Variants in ADAM22 observed in about 807,000 individuals in gnomAD.
ADAM22 encodes disintegrin and metalloproteinase domain-containing protein 22.
Under a neutral mutation model 144.6 loss-of-function variants are expected in ADAM22, and 65 were observed. The observed-to-expected ratio is 0.45, with a 90% CI of 0.37 to 0.55. ADAM22 has a LOEUF of 0.55. Ranked by LOEUF, ADAM22 falls within the 20% of genes least tolerant of loss-of-function variation. ADAM22 has a pLI of 0.00. For synonymous variants in ADAM22, 391 were observed against 412.6 expected, an observed-to-expected ratio of 0.95 and a Z score of 0.63; for missense variants, 974 against 1,184.9, an observed-to-expected ratio of 0.82 and a Z score of 2.61.
intron 3 of ADAM22, among the ~76,000 whole-genome samples, chr7:88,048,082 G>T (rs961588348): frequency 2.0e-4 from 30 of 152,092 alleles, no homozygotes; most frequent in Non-Finnish European, 4.0e-4. Flanking sequence ...CACAACTTTT[G>T]AAATAAATAT....
chr7:88,016,139 G>A (rs980016689), intron 3 of ADAM22, among the ~76,000 whole-genome samples: 1 of 152,148 alleles, frequency 6.6e-6, no homozygotes, highest in Non-Finnish European at 1.5e-5. Context: ...GCTAGTGTAT[G>A]AGTTCTAGGC....
intron 7 of ADAM22, among the ~76,000 whole-genome samples, chr7:88,119,189 T>TA (rs1164137160): frequency 5.3e-5 from 8 of 152,106 alleles, no homozygotes; most frequent in Admixed American, 1.3e-4. Context: ...TGCACCCAGT[T>TA]AAAAAAATAT....
intron 3 of ADAM22, among the ~76,000 whole-genome samples, chr7:88,035,449 T>C (rs1801303569): frequency 6.6e-6 from 1 of 152,188 alleles, no homozygotes; most frequent in Non-Finnish European, 1.5e-5. Context: ...GCAGATAAGG[T>C]TGCTGGGCTG....
chr7:88,118,346 G>T (rs983795567), intron 7 of ADAM22, among the ~76,000 whole-genome samples: 1 of 152,110 alleles, frequency 6.6e-6, no homozygotes, highest in African/African-American at 2.4e-5. Context: ...CTTCTCTCCT[G>T]CTGCCAGAGG....
At chr7:87,937,544 C>G (rs1281660679) in intron 2 of ADAM22, among the ~76,000 whole-genome samples, 1 of 152,208 alleles carries the variant, frequency 6.6e-6, no homozygotes, top group Non-Finnish European at 1.5e-5. Context: ...CTTTGGGTAC[C>G]TCTTGCCTTT....
At chr7:87,954,955 G>T (rs903804903) in intron 2 of ADAM22, among the ~76,000 whole-genome samples, 27 of 152,026 alleles carry the variant, frequency 1.8e-4, no homozygotes, top group African/African-American at 6.3e-4. Flanking sequence ...CATTCTTCAC[G>T]TAGTTCTCGA....
At chr7:88,108,292 T>C in intron 5 of ADAM22, 34 bp downstream of exon 5, 1 of 1,557,398 alleles carries the variant, frequency 6.4e-7, no homozygotes, top group Non-Finnish European at 8.8e-7. Context: ...TACTGTTTGT[T>C]TTTTCAATAA....
chr7:88,166,640 G>GA (rs898608473), intron 24 of ADAM22, among the ~76,000 whole-genome samples: 1 of 151,988 alleles, frequency 6.6e-6, no homozygotes, highest in Non-Finnish European at 1.5e-5. Flanking sequence ...CAAAGGATGA[G>GA]AAAAAAGGAA....
chr7:88,195,215 A>G (rs952339506), intron 31 of ADAM22, among the ~76,000 whole-genome samples: 4 of 152,192 alleles, frequency 2.6e-5, no homozygotes, highest in Non-Finnish European at 5.9e-5. Flanking sequence ...TATAATAATT[A>G]TATCTAAATT....
At chr7:88,089,968 A>G (rs1287245711) in intron 4 of ADAM22, 1 of 152,118 alleles carries the variant, frequency 6.6e-6, no homozygotes, top group African/African-American at 2.4e-5. Context: ...TCTTTTTTCT[A>G]AAAAGAACAG....
At chr7:88,113,035 T>A (rs974114195) in intron 5 of ADAM22, among the ~76,000 whole-genome samples, 1 of 151,852 alleles carries the variant, frequency 6.6e-6, no homozygotes, top group African/African-American at 2.4e-5. Context: ...ACTGAACTCT[T>A]AAAGGATTTG....
At chr7:88,008,649 G>A (rs949146437) in intron 3 of ADAM22, among the ~76,000 whole-genome samples, 31 of 151,278 alleles carry the variant, frequency 2.0e-4, no homozygotes, top group African/African-American at 3.2e-4. Context: ...CTATCGCAAG[G>A]ACAAAAAACC....
At chr7:88,020,419 C>T (rs1172795164) in intron 3 of ADAM22, among the ~76,000 whole-genome samples, 1 of 152,150 alleles carries the variant, frequency 6.6e-6, no homozygotes, top group Non-Finnish European at 1.5e-5. Flanking sequence ...GACAATACTC[C>T]ACAGGGGGTT....
intron 3 of ADAM22, among the ~76,000 whole-genome samples, chr7:88,010,000 A>G (rs1794986275): frequency 6.6e-6 from 1 of 151,574 alleles, no homozygotes; most frequent in African/African-American, 2.4e-5. Context: ...GTCTACAACC[A>G]TTCCAACCCG....
rs1406301241 is a variant in ADAM22 at position 88,198,480 on chromosome 7, A to G, written c.*1989A>G. 1 of 152,248 alleles carries G rather than the reference A, an allele frequency of 6.6e-6. No individual in the cohort carries two copies. The highest frequency in any genetic ancestry group is 1.5e-5 in the Non-Finnish European group (1 of 68,050). 9.4% of individuals were successfully genotyped at this position (152,248 alleles called of 1,614,324 possible). A position where few individuals can be genotyped will look rare whatever the true frequency, so the allele number is the denominator to read the frequency against. ...TGTTGCCACATAGCTCAAGCCAAGA[A>G]CAGAAGGGCAGACAGATTGAAAGAT... On this transcript the variant is annotated 3_prime_UTR_variant, in exon 32 of 32. Transcript: ENST00000413139.
At chr7:88,050,293 T>C (rs1190458912) in intron 3 of ADAM22, among the ~76,000 whole-genome samples, 1 of 148,960 alleles carries the variant, frequency 6.7e-6, no homozygotes, top group Non-Finnish European at 1.5e-5. Flanking sequence ...CTCAGAAAAC[T>C]GAGGCAGTAG....
chr7:87,982,233 A>G (rs1376421169), intron 3 of ADAM22, among the ~76,000 whole-genome samples: 2 of 152,056 alleles, frequency 1.3e-5, no homozygotes. Context: ...AGCCAGAGAA[A>G]CAAACAATGA....
At chr7:88,176,292 A>C (rs1388283907) in intron 26 of ADAM22, among the ~76,000 whole-genome samples, 1 of 152,198 alleles carries the variant, frequency 6.6e-6, no homozygotes, top group Non-Finnish European at 1.5e-5. Context: ...GACATTTACC[A>C]TGTGAAGAAA....
chr7:87,977,558 A>G (rs1469590696), intron 2 of ADAM22, among the ~76,000 whole-genome samples: 1 of 152,218 alleles, frequency 6.6e-6, no homozygotes, highest in Non-Finnish European at 1.5e-5. Flanking sequence ...GGATATAGCT[A>G]CTGTTCATAT....
Sources: allele counts gnomAD v4.1 joint callset (sites outside exome capture counted in the v4.1 genomes callset), GRCh38; gene constraint gnomAD v4.1.1; transcripts MANE v1.5; gene names NCBI Gene and HGNC (gene_info 2026-07-23, HGNC 2026-07-21).